The following NTNG2 variants were observed in gnomAD, a reference collection of about 807,000 sequenced individuals.
NTNG2 encodes netrin-G2.
A neutral mutation model predicts 47.6 loss-of-function variants in NTNG2; 15 were observed. The ratio of observed to expected loss-of-function variants is 0.32; its 90% CI spans 0.21 to 0.49. The LOEUF is 0.49. NTNG2 is among the 20% of genes least tolerant of loss of function. The probability of loss-of-function intolerance (pLI) is 0.99; values close to 1 mark genes in which losing one functional copy is unlikely to be tolerated. For missense variants in NTNG2, 578 were observed against 764.6 expected, an observed-to-expected ratio of 0.76 and a Z score of 2.88; for synonymous variants, 307 against 324.6, an observed-to-expected ratio of 0.95 and a Z score of 0.58.
rs560075806 is a variant in NTNG2, at chr9:132,191,650, C to T, written c.214-6316C>T. On this transcript the variant is annotated intron_variant, in intron 2 of 7. Coordinates refer to ENST00000393229, the MANE Select transcript of NTNG2 (RefSeq NM_032536.4). ...GCAGTGGCGCGATCTCGGCTCACTG[C>T]AAGCTCCACCTCCTGGGTTCACGCC... is the stretch of plus-strand genomic sequence containing the variant. 1.8e-4 allele frequency among the ~76,000 whole-genome samples: 27 copies of T among 152,194 alleles called. No individual in the cohort carries two copies. The South Asian group carries it at 5.4e-3, about 30-fold the overall frequency.
intron 2 of NTNG2, among the ~76,000 whole-genome samples, chr9:132,186,914 C>T (rs1837431970): frequency 6.6e-6 from 1 of 152,248 alleles, no homozygotes; most frequent in African/African-American, 2.4e-5. Flanking sequence ...CCCTGCTCTC[C>T]CAGAGTTCAC....
chr9:132,178,393 T>C (rs1589385610), intron 2 of NTNG2, among the ~76,000 whole-genome samples: 2 of 152,210 alleles, frequency 1.3e-5, no homozygotes, highest in South Asian at 4.1e-4. Flanking sequence ...AGTGCTTGCA[T>C]GTAGCAGGTA....
chr9:132,219,171 C>A (rs1000702876), intron 3 of NTNG2, among the ~76,000 whole-genome samples: 1 of 149,708 alleles, frequency 6.7e-6, no homozygotes, highest in Non-Finnish European at 1.5e-5. Context: ...GAGCTGTGAT[C>A]GTGACACTAC....
intron 3 of NTNG2, among the ~76,000 whole-genome samples, chr9:132,225,437 T>C (rs890623280): frequency 4.6e-5 from 7 of 151,936 alleles, no homozygotes; most frequent in Admixed American, 4.6e-4. Flanking sequence ...CACTGGCTAA[T>C]TTTTTTATTT....
chr9:132,227,445 C>T (rs1464950252), intron 4 of NTNG2, among the ~76,000 whole-genome samples: 1 of 152,200 alleles, frequency 6.6e-6, no homozygotes, highest in Admixed American at 6.5e-5. Context: ...AGGTGGCCCC[C>T]ATGGGATGGC....
intron 3 of NTNG2, among the ~76,000 whole-genome samples, chr9:132,219,360 G>A (rs573245302): frequency 6.6e-6 from 1 of 152,190 alleles, no homozygotes; most frequent in South Asian, 2.1e-4. Context: ...ATCACTTGAG[G>A]TCAGGAGTTT....
intron 3 of NTNG2, among the ~76,000 whole-genome samples, chr9:132,205,416 T>C (rs1255711525): frequency 6.6e-6 from 1 of 152,090 alleles, no homozygotes; most frequent in African/African-American, 2.4e-5. Flanking sequence ...GTCAAATTCA[T>C]AGAGACAGAA....
chr9:132,180,949 C>T lies in NTNG2; in HGVS notation c.213+13905C>T, dbSNP rs1310715979. Among the ~76,000 whole-genome samples the T allele has an allele frequency of 1.3e-5, 2 of 152,218 alleles. No homozygotes were observed. Among genetic ancestry groups the T allele is most frequent in the African/African-American group, 4.8e-5 (2 of 41,448 alleles). On this transcript the variant is annotated intron_variant, in intron 2 of 7. Coordinates refer to ENST00000393229, the MANE Select transcript of NTNG2 (RefSeq NM_032536.4). The surrounding 1 kb of genome is among the most constrained non-coding windows in gnomAD (Gnocchi z 4.2). ...GTTGCAAACACTTTCAGGGACTTCC[C>T]AGATTTCTCTGAGTCCATCCGTGGT... is the stretch of plus-strand genomic sequence containing the variant.
intron 2 of NTNG2, among the ~76,000 whole-genome samples, chr9:132,177,920 G>C (rs1002043400): frequency 1.3e-5 from 2 of 152,186 alleles, no homozygotes. Flanking sequence ...GCCTCCCAAA[G>C]TGCTGGGATT....
At chr9:132,171,934 G>A (rs1274022088) in intron 2 of NTNG2, among the ~76,000 whole-genome samples, 2 of 152,204 alleles carry the variant, frequency 1.3e-5, no homozygotes, top group East Asian at 1.9e-4. Context: ...ATGACCTCAT[G>A]CCAGGCACAG....
chr9:132,170,785 G>A (rs1300132940), intron 2 of NTNG2, among the ~76,000 whole-genome samples: 4 of 152,162 alleles, frequency 2.6e-5, no homozygotes, highest in African/African-American at 7.2e-5. Flanking sequence ...CAGAGCAATC[G>A]CCTCAGTGCA....
At chr9:132,214,156 G>T (rs372738892) in intron 3 of NTNG2, among the ~76,000 whole-genome samples, 2 of 152,258 alleles carry the variant, frequency 1.3e-5, no homozygotes, top group Non-Finnish European at 2.9e-5. Flanking sequence ...GCAAGGAGTG[G>T]ATGACATCAC....
intron 3 of NTNG2, among the ~76,000 whole-genome samples, chr9:132,216,426 G>C (rs1357993489): frequency 0.047 from 1,632 of 34,620 alleles, 20 homozygotes; most frequent in South Asian, 0.11. Context: ...GTGTGTGTGT[G>C]TATGTGTGTG....
At chr9:132,235,224 A>G (rs10901141) in intron 5 of NTNG2, among the ~76,000 whole-genome samples, 46,220 of 152,092 alleles carry the variant, frequency 0.3, 7,507 homozygotes, top group South Asian at 0.46. Flanking sequence ...ACTTCTGGAC[A>G]CATGTAAGAT....
chr9:132,169,404 G>T (rs192608061), intron 2 of NTNG2, among the ~76,000 whole-genome samples: 88 of 152,328 alleles, frequency 5.8e-4, no homozygotes, highest in African/African-American at 1.9e-3. Flanking sequence ...GGAGGGGGTG[G>T]TTACTTCTAG....
chr9:132,242,127 C>A lies in NTNG2; in HGVS notation c.*16C>A. On this transcript the variant is annotated 3_prime_UTR_variant, in exon 8 of 8. Transcript: ENST00000393229. The surrounding 1 kb of genome is among the most constrained non-coding windows in gnomAD (Gnocchi z 5.9). ...GGGCCGCTGAGCCCCGCCCGGAGGA[C>A]GCTCCCCGCACCCGGAGGCCGGGGG... The A allele has an allele frequency of 9.1e-7, 1 of 1,103,218 alleles. No individual in the cohort carries two copies. Among genetic ancestry groups the A allele is most frequent in the Non-Finnish European group, 1.1e-6 (1 of 904,002 alleles). The allele number at this position is 1,103,218 out of a possible 1,614,324, so 68.3% of individuals were successfully genotyped here.
chr9:132,206,190 G>C (rs867447427), intron 3 of NTNG2, among the ~76,000 whole-genome samples: 40 of 152,294 alleles, frequency 2.6e-4, no homozygotes, highest in Middle Eastern at 3.4e-3. Flanking sequence ...TGGGCTCTTA[G>C]GAGCGCAAAG....
intron 2 of NTNG2, among the ~76,000 whole-genome samples, chr9:132,186,832 G>A (rs1429482471): frequency 2.0e-5 from 3 of 152,266 alleles, no homozygotes; most frequent in Admixed American, 1.3e-4. Flanking sequence ...TCCTCGCTCA[G>A]TTAGGGAATG....
Position 132,238,697 on chromosome 9 carries a change from C to T in NTNG2, c.1055-407C>T, listed in dbSNP as rs570564643. On this transcript the variant is annotated intron_variant, in intron 5 of 7. Transcript: ENST00000393229. ...CGGCGAGCGCCGTGAACCCAGGCGT[C>T]GCCCTCCCCCAGTGCACAGCCAGGT... is the stretch of plus-strand genomic sequence containing the variant. 5.3e-4 allele frequency among the ~76,000 whole-genome samples: 80 copies of T among 152,362 alleles called. 1 individual carries two copies. Among genetic ancestry groups the T allele is most frequent in the African/African-American group, 1.7e-3 (71 of 41,592 alleles).
Sources: allele counts gnomAD v4.1 joint callset (sites outside exome capture counted in the v4.1 genomes callset), GRCh38; gene constraint gnomAD v4.1.1; non-coding constraint Gnocchi (gnomAD v3.1); transcripts MANE v1.5; gene names NCBI Gene and HGNC (gene_info 2026-07-23, HGNC 2026-07-21).